BRCA2: variants seen among roughly 807,000 people sequenced by gnomAD.
BRCA2 encodes BRCA2 DNA repair associated.
A neutral mutation model predicts 276.7 loss-of-function variants in BRCA2; 203 were observed. That is an observed-to-expected ratio of 0.73 (90% CI 0.65 to 0.82). The LOEUF (loss-of-function observed/expected upper bound fraction) is 0.82, where lower values mean the gene tolerates loss of function less well. BRCA2 is among the 40% of genes least tolerant of loss of function. The probability of loss-of-function intolerance (pLI) is 0.00; values close to 1 mark genes in which losing one functional copy is unlikely to be tolerated. For missense variants in BRCA2, 3,920 were observed against 3,915.0 expected, an observed-to-expected ratio of 1.00 and a Z score of -0.03; for synonymous variants, 1,289 against 1,338.4, an observed-to-expected ratio of 0.96 and a Z score of 0.81.
intron 26 of BRCA2, among the ~76,000 whole-genome samples, chr13:32,397,902 C>G (rs1002284926): frequency 5.3e-5 from 8 of 152,192 alleles, no homozygotes; most frequent in Non-Finnish European, 7.4e-5. Context: ...GTGACGTCCC[C>G]TACCTCCTTT....
At chr13:32,316,333 C>G in intron 1 of BRCA2, 89 bp from the exon 2 acceptor site, 1 of 844,128 alleles carries the variant, frequency 1.2e-6, no homozygotes, top group Admixed American at 2.1e-5. Flanking sequence ...AGAATTCAAA[C>G]AAATTTTCCA....
rs11571741 is a variant in BRCA2, at chr13:32,369,784, G to A, written c.8332-618G>A. Among the ~76,000 whole-genome samples the A allele has an allele frequency of 5.2e-3, 792 of 152,222 alleles. 5 individuals carry two copies. Among genetic ancestry groups the A allele is most frequent in the Non-Finnish European group, 9.4e-3 (641 of 68,014 alleles). ...AGACGGGGTTTCACCATGTTGGCCC[G>A]GGTGGTCTCGAACTCCTGACCTCAG... is the stretch of plus-strand genomic sequence containing the variant. On this transcript the variant is annotated intron_variant, in intron 18 of 26. Transcript: ENST00000380152.
At chr13:32,389,567 ATTCT>A in intron 24 of BRCA2, among the ~76,000 whole-genome samples, 1 of 152,140 alleles carries the variant, frequency 6.6e-6, no homozygotes, top group South Asian at 2.1e-4. Flanking sequence ...GTAGTTGATA[ATTCT>A]TTCTTTCAGT....
At chr13:32,381,011 G>A (rs1368209316) in intron 24 of BRCA2, among the ~76,000 whole-genome samples, 4 of 151,920 alleles carry the variant, frequency 2.6e-5, no homozygotes, top group Admixed American at 2.6e-4. Flanking sequence ...GTTTGTGTTT[G>A]GTGAGTTATG....
At chr13:32,354,759 T>G (rs1566240594) in intron 13 of BRCA2, 102 bp from the exon 14 acceptor site, 14 of 834,120 alleles carry the variant, frequency 1.7e-5, no homozygotes, top group Non-Finnish European at 4.0e-6. Context: ...GTTACCAGAA[T>G]AGTATCACCA....
At chr13:32,347,842 T>TA (rs1220387363) in intron 13 of BRCA2, among the ~76,000 whole-genome samples, 2 of 152,178 alleles carry the variant, frequency 1.3e-5, no homozygotes, top group African/African-American at 4.8e-5. Context: ...ACCAGGAAGT[T>TA]AACTGTTGAC....
intron 25 of BRCA2, among the ~76,000 whole-genome samples, chr13:32,395,817 A>T (rs181968203): frequency 2.2e-3 from 335 of 152,166 alleles, no homozygotes; most frequent in African/African-American, 8.0e-3. Context: ...CTGTGTTGAC[A>T]TTTTACCTAG....
chr13:32,370,708 A>G, intron 19 of BRCA2, 151 bp downstream of exon 19: 1 of 991,484 alleles, frequency 1.0e-6, no homozygotes, highest in Non-Finnish European at 1.5e-6. Context: ...CCCGGGTTCA[A>G]GTGATTCTCC....
chr13:32,338,301 A>G lies in BRCA2; in HGVS notation c.3946A>G (p.Asn1316Asp). 6.3e-7 allele frequency: 1 copy of G among 1,582,064 alleles called. No individual in the cohort carries two copies. Among genetic ancestry groups the G allele is most frequent in the Non-Finnish European group, 8.6e-7 (1 of 1,166,562 alleles). Residue 1316 changes from asparagine (N) to aspartate (D), a missense_variant, in exon 11 of 27, where the codon AAT becomes GAT. By Grantham distance (23) the Asn-to-Asp change is conservative. This residue lies in a region of BRCA2 where 3,263 missense variants were observed against 3,156.9 expected (regional missense o/e 1.03). Transcript: ENST00000380152. ...AGAAATTACTGAAAATTACAAGAGA[A>G]ATACTGAAAATGAAGATAACAAATA... ...VEEITENYKR[N>D]TENEDNKYTA... is the part of the protein sequence containing the mutation.
intron 16 of BRCA2, among the ~76,000 whole-genome samples, chr13:32,358,641 A>C (rs1354048452): frequency 1.3e-5 from 2 of 151,742 alleles, no homozygotes; most frequent in African/African-American, 2.4e-5. Flanking sequence ...ACAAATTAAA[A>C]AATTAGCCCA....
At chr13:32,384,798 G>C in intron 24 of BRCA2, 1 of 269,222 alleles carries the variant, frequency 3.7e-6, no homozygotes, top group South Asian at 7.6e-5. Flanking sequence ...TGGGTTTCTA[G>C]ACTAAATACA....
Position 32,340,467 on chromosome 13 carries a change from C to A in BRCA2, c.6112C>A (p.His2038Asn), listed in dbSNP as rs587778123. The A allele has an allele frequency of 1.2e-6, 2 of 1,613,730 alleles. No individual in the cohort carries two copies. Among genetic ancestry groups the A allele is most frequent in the South Asian group, 1.1e-5 (1 of 91,082 alleles). ...EENTAIRTPE[H>N]LISQKGFSYN... ...AAATACTGCTATACGTACTCCAGAA[C>A]ATTTAATATCCCAAAAAGGCTTTTC... Residue 2038 changes from histidine to asparagine, a missense_variant, in exon 11 of 27, where the codon CAT (histidine) becomes AAT (asparagine). His to Asn is a moderately conservative substitution (Grantham distance 68). This residue lies in a region of BRCA2 where 3,263 missense variants were observed against 3,156.9 expected (regional missense o/e 1.03). Transcript: ENST00000380152.
At position 32,370,982 on chromosome 13, in the gene BRCA2, A is replaced by G. The variant is rs544212043; in HGVS notation, c.8514A>G (p.Leu2838=). 23 of 1,614,154 alleles carry G rather than the reference A, an allele frequency of 1.4e-5. No homozygotes were observed. In the South Asian group the frequency reaches 2.4e-4, roughly 17 times the overall value. The change falls in exon 20 of 27, where the codon TTA becomes TTG. Residue 2838 remains leucine (L), a synonymous_variant. Coordinates refer to ENST00000380152, the MANE Select transcript of BRCA2 (RefSeq NM_000059.4). ...IQWMEKTSSG[L]YIFRNEREEE... is the part of the protein sequence containing the mutation. ...GGATGGAGAAGACATCATCTGGATT[A>G]TACATATTTCGCAATGAAAGAGAGG...
intron 18 of BRCA2, among the ~76,000 whole-genome samples, chr13:32,365,237 A>G (rs1287689994): frequency 6.7e-6 from 1 of 149,424 alleles, no homozygotes; most frequent in Non-Finnish European, 1.5e-5. Context: ...TCTGGGCTCA[A>G]ACGGTCCTCA....
intron 20 of BRCA2, among the ~76,000 whole-genome samples, chr13:32,373,016 A>G (rs898366566): frequency 8.7e-5 from 13 of 149,974 alleles, no homozygotes; most frequent in African/African-American, 2.9e-4. Context: ...TTTTTGAGAC[A>G]GGGTCTTGCT....
rs45469092 is a variant in BRCA2 at position 32,379,479 on chromosome 13, C to T, written c.8917C>T (p.Arg2973Cys). The T allele has an allele frequency of 1.0e-4, 165 of 1,612,936 alleles. No individual in the cohort carries two copies. The highest frequency in any genetic ancestry group is 1.3e-4 in the Non-Finnish European group (150 of 1,179,750). Reference protein sequence around the residue: ...SRDVTTVWKLRIVSYSKKEKD... With the variant: ...SRDVTTVWKLCIVSYSKKEKD... The stretch of plus-strand genomic sequence containing the variant: ...GGATGTCACAACCGTGTGGAAGTTG[C>T]GTATTGTAAGCTATTCAAAAAAAGA... Residue 2973 changes from arginine (R) to cysteine (C), a missense_variant, in exon 22 of 27, where the codon CGT becomes TGT. By Grantham distance (180) the Arg-to-Cys change is radical. This residue lies in a region of BRCA2 where 657 missense variants were observed against 758.2 expected (regional missense o/e 0.87). Transcript: ENST00000380152.
chr13:32,390,325 C>T (rs2072988412), intron 24 of BRCA2, among the ~76,000 whole-genome samples: 1 of 152,064 alleles, frequency 6.6e-6, no homozygotes. Context: ...GGCGCAGTAG[C>T]TAATGCTTGT....
At chr13:32,388,121 CTTTT>C (rs34184533) in intron 24 of BRCA2, among the ~76,000 whole-genome samples, 1 of 141,502 alleles carries the variant, frequency 7.1e-6, no homozygotes, top group Non-Finnish European at 1.5e-5. Context: ...ATGACCTCAT[CTTTT>C]TTTTTTTTTT....
At chr13:32,393,234 ACATCAAACTAG>A (rs2073009682) in intron 24 of BRCA2, among the ~76,000 whole-genome samples, 1 of 146,898 alleles carries the variant, frequency 6.8e-6, no homozygotes, top group Non-Finnish European at 1.5e-5. Flanking sequence ...ATCCTATTTC[ACATCAAACTAG>A]CATTCATCAG....
Sources: gnomAD v4.1 joint callset for allele counts (sites outside exome capture counted in the v4.1 genomes callset) on GRCh38, gnomAD v4.1.1 for gene constraint, gnomAD v4.1.1 regional missense constraint, MANE v1.5 for transcripts, NCBI Gene and HGNC (gene_info 2026-07-23, HGNC 2026-07-21) for gene names.